Variants in ADGRL2 observed in about 807,000 individuals in gnomAD.
ADGRL2 encodes the protein adhesion G protein-coupled receptor L2, also known as calcium-independent alpha-latrotoxin receptor 2.
A neutral mutation model predicts 157.4 loss-of-function variants in ADGRL2; 44 were observed. The ratio of observed to expected loss-of-function variants is 0.28; its 90% confidence interval spans 0.22 to 0.36. The LOEUF is 0.36. ADGRL2 is among the 10% of genes least tolerant of loss of function. The pLI is 1.00. For synonymous variants in ADGRL2, 585 were observed against 624.7 expected, an observed-to-expected ratio of 0.94 and a Z score of 0.95; for missense variants, 1,510 against 1,768.9, an observed-to-expected ratio of 0.85 and a Z score of 2.63.
At chr1:81,787,245 T>C (rs1335552796) in intron 2 of ADGRL2, among the ~76,000 whole-genome samples, 1 of 152,224 alleles carries the variant, frequency 6.6e-6, no homozygotes, top group Non-Finnish European at 1.5e-5. Context: ...GTCTGATTTA[T>C]TTCATGTGTC....
intron 11 of ADGRL2, among the ~76,000 whole-genome samples, chr1:81,957,268 T>TC (rs143300002): frequency 0.049 from 7,428 of 151,978 alleles, 518 homozygotes; most frequent in African/African-American, 0.15. Context: ...ACATCTATGC[T>TC]CCCATCAGCC....
chr1:81,815,071 T>G (rs1224582987), intron 1 of ADGRL2, among the ~76,000 whole-genome samples: 2 of 151,796 alleles, frequency 1.3e-5, no homozygotes, highest in East Asian at 3.8e-4. Flanking sequence ...GGAATATGAT[T>G]GCTAAAACTA....
chr1:81,540,469 T>C (rs2079855144), intron 2 of ADGRL2, among the ~76,000 whole-genome samples: 1 of 152,148 alleles, frequency 6.6e-6, no homozygotes, highest in African/African-American at 2.4e-5. Context: ...ATAATGGAAA[T>C]GCATAGCAAG....
At chr1:81,736,142 CAAA>C (rs71085371) in intron 1 of ADGRL2, among the ~76,000 whole-genome samples, 3 of 92,586 alleles carry the variant, frequency 3.2e-5, no homozygotes, top group Admixed American at 1.4e-4. Context: ...GACCCCGTCT[CAAA>C]AAAAAAAAAA....
chr1:81,784,035 C>A (rs955468870), intron 2 of ADGRL2, among the ~76,000 whole-genome samples: 4 of 152,052 alleles, frequency 2.6e-5, no homozygotes, highest in Non-Finnish European at 5.9e-5. Flanking sequence ...CTTAAAAATG[C>A]ACAGCTTGAA....
intron 1 of ADGRL2, among the ~76,000 whole-genome samples, chr1:81,741,825 G>A (rs1427516331): frequency 2.0e-5 from 3 of 151,522 alleles, no homozygotes; most frequent in Admixed American, 6.6e-5. Context: ...TTTTCCTACT[G>A]TAATATAAAA....
intron 3 of ADGRL2, among the ~76,000 whole-genome samples, chr1:81,595,969 C>T (rs577424138): frequency 1.3e-5 from 2 of 152,198 alleles, no homozygotes; most frequent in South Asian, 2.1e-4. Context: ...CCTCACAGGG[C>T]GGAAGGGGTG....
At chr1:81,871,669 A>C (rs188248788) in intron 2 of ADGRL2, among the ~76,000 whole-genome samples, 10 of 152,124 alleles carry the variant, frequency 6.6e-5, no homozygotes, top group African/African-American at 2.4e-4. Context: ...TTTGATTTGC[A>C]TTTCTCTGAT....
At chr1:81,501,940 T>C (rs1395865033) in intron 2 of ADGRL2, 15 of 1,613,764 alleles carry the variant, frequency 9.3e-6, no homozygotes, top group African/African-American at 1.3e-5. Flanking sequence ...CGACTCTCTT[T>C]TCCGCCACAG....
At chr1:81,922,107 G>A (rs1302469307) in intron 3 of ADGRL2, among the ~76,000 whole-genome samples, 2 of 152,144 alleles carry the variant, frequency 1.3e-5, no homozygotes, top group Non-Finnish European at 2.9e-5. Flanking sequence ...ATAATGTACA[G>A]AAATAACTGT....
At chr1:81,526,490 T>C (rs1300038143) in intron 2 of ADGRL2, among the ~76,000 whole-genome samples, 1 of 152,196 alleles carries the variant, frequency 6.6e-6, no homozygotes, top group East Asian at 1.9e-4. Context: ...AAGTTAACCT[T>C]TTAAAAATAT....
chr1:81,385,442 A>G (rs2076418580), intron 1 of ADGRL2, among the ~76,000 whole-genome samples: 1 of 152,130 alleles, frequency 6.6e-6, no homozygotes, highest in African/African-American at 2.4e-5. Flanking sequence ...ATCTATCACA[A>G]TTTCTGGTTA....
At chr1:81,608,122 T>C (rs949753337) in intron 3 of ADGRL2, among the ~76,000 whole-genome samples, 4 of 152,236 alleles carry the variant, frequency 2.6e-5, no homozygotes, top group African/African-American at 9.6e-5. Context: ...TTTTTTCTGC[T>C]ACACTGAGTG....
intron 3 of ADGRL2, among the ~76,000 whole-genome samples, chr1:81,659,061 T>A (rs1477978876): frequency 3.0e-5 from 4 of 134,444 alleles, no homozygotes; most frequent in African/African-American, 8.5e-5. Flanking sequence ...AATTTTTTTT[T>A]TTTTTTTTTT....
intron 1 of ADGRL2, among the ~76,000 whole-genome samples, chr1:81,815,532 G>A (rs148015839): frequency 4.0e-5 from 6 of 151,732 alleles, no homozygotes; most frequent in Non-Finnish European, 8.9e-5. Flanking sequence ...CATTCCAAAA[G>A]CACTTTTCTA....
intron 1 of ADGRL2, among the ~76,000 whole-genome samples, chr1:81,801,778 C>T (rs527426530): frequency 6.6e-6 from 1 of 152,316 alleles, no homozygotes; most frequent in Admixed American, 6.5e-5. Flanking sequence ...GCCTCGCGCC[C>T]CCGGCGCCCT....
intron 1 of ADGRL2, among the ~76,000 whole-genome samples, chr1:81,340,132 C>G (rs1392723493): frequency 1.3e-5 from 2 of 152,050 alleles, no homozygotes; most frequent in Admixed American, 1.3e-4. Flanking sequence ...ACTATATTTG[C>G]AAGAGGGTGC....
At position 81,732,498 on chromosome 1, in the gene ADGRL2, T is replaced by A. The variant is rs182195140; in HGVS notation, c.-142-29313T>A. Among the ~76,000 whole-genome samples the A allele has an allele frequency of 4.3e-3, 660 of 152,320 alleles. 24 individuals carry two copies. Among genetic ancestry groups the A allele is most frequent in the Admixed American group, 0.04 (612 of 15,298 alleles). Reference sequence around the variant, plus strand: ...GAGGTACTGTTTTAAATGACAAAGATAATGATTACTGAAATGGTGATTAAA... The same window carrying A: ...GAGGTACTGTTTTAAATGACAAAGAAAATGATTACTGAAATGGTGATTAAA... On this transcript the variant is annotated intron_variant, in intron 1 of 20. Coordinates refer to the ADGRL2 transcript ENST00000359929.
At chr1:81,527,907 A>T (rs1349068328) in intron 2 of ADGRL2, among the ~76,000 whole-genome samples, 1 of 151,640 alleles carries the variant, frequency 6.6e-6, no homozygotes, top group African/African-American at 2.4e-5. Context: ...CTCTACTAAA[A>T]ATACCAACAA....
Sources: gnomAD v4.1 joint callset for allele counts (sites outside exome capture counted in the v4.1 genomes callset) on GRCh38, gnomAD v4.1.1 for gene constraint, MANE v1.5 for transcripts, NCBI Gene and HGNC (gene_info 2026-07-23, HGNC 2026-07-21) for gene names.